The following NFE2L2 variants were observed in gnomAD, a reference collection of about 807,000 sequenced individuals.
NFE2L2 encodes the protein nuclear factor erythroid 2-related factor 2.
In NFE2L2, 20 loss-of-function variants were observed where a neutral mutation model predicts 49.6. That is an observed-to-expected ratio of 0.40 (90% CI 0.28 to 0.59). The LOEUF (loss-of-function observed/expected upper bound fraction) is 0.59, where lower values mean the gene tolerates loss of function less well. Ranked by LOEUF, NFE2L2 falls within the 20% of genes least tolerant of loss-of-function variation. NFE2L2 has a pLI of 0.40. For missense variants in NFE2L2, 578 were observed against 714.2 expected, an observed-to-expected ratio of 0.81 and a Z score of 2.17; for synonymous variants, 244 against 256.5, an observed-to-expected ratio of 0.95 and a Z score of 0.47.
intron 1 of NFE2L2, among the ~76,000 whole-genome samples, chr2:177,238,800 T>G (rs1689844955): frequency 6.6e-6 from 1 of 152,222 alleles, no homozygotes; most frequent in Non-Finnish European, 1.5e-5. Flanking sequence ...TAACATGTTG[T>G]AATAAAAAAG....
At chr2:177,236,897 T>C (rs1330418914) in intron 1 of NFE2L2, among the ~76,000 whole-genome samples, 1 of 152,176 alleles carries the variant, frequency 6.6e-6, no homozygotes, top group Non-Finnish European at 1.5e-5. Context: ...AGATAGGGTC[T>C]CACTCTGTCA....
chr2:177,235,154 G>A (rs1342214539), intron 1 of NFE2L2, among the ~76,000 whole-genome samples: 5 of 151,068 alleles, frequency 3.3e-5, no homozygotes, highest in Non-Finnish European at 5.9e-5. Flanking sequence ...GGACAGGTGC[G>A]GTGGCTCACG....
Position 177,256,702 on chromosome 2 carries a change from A to C in NFE2L2, c.45+7830T>G, listed in dbSNP as rs189154074. ...TTAAAGCAACAAACTACTGATGACT[A>C]GAATTAGAAAAGCATGCTTCCAGAA... On this transcript the variant is annotated intron_variant, in intron 1 of 4. Coordinates refer to ENST00000397062, the MANE Select transcript of NFE2L2 (RefSeq NM_006164.5). 7.9e-5 allele frequency among the ~76,000 whole-genome samples: 12 copies of C among 152,338 alleles called. No homozygotes were observed. In the East Asian group the frequency reaches 2.3e-3, roughly 29 times the overall value.
At chr2:177,232,746 C>A in intron 3 of NFE2L2, 163 bp from the exon 4 acceptor site, 1 of 652,752 alleles carries the variant, frequency 1.5e-6, no homozygotes, top group Non-Finnish European at 2.5e-6. Context: ...TTTTTTCCTA[C>A]CCCACTGACT....
chr2:177,233,134 TA>T, intron 3 of NFE2L2, 115 bp downstream of exon 3: 1 of 904,462 alleles, frequency 1.1e-6, no homozygotes, highest in Non-Finnish European at 1.7e-6. Flanking sequence ...AATTTCCTCC[TA>T]AAAATGTTTT....
At chr2:177,247,571 G>T (rs1690176106) in intron 1 of NFE2L2, among the ~76,000 whole-genome samples, 1 of 150,266 alleles carries the variant, frequency 6.7e-6, no homozygotes, top group African/African-American at 2.5e-5. Context: ...TGAGGCAAGA[G>T]AATCGCTTGA....
intron 1 of NFE2L2, chr2:177,263,851 G>A (rs1365683912): frequency 3.0e-6 from 3 of 985,396 alleles, no homozygotes; most frequent in Non-Finnish European, 3.6e-6. Flanking sequence ...AGCCCGCTGG[G>A]CACTTAAGGC....
intron 2 of NFE2L2, 96 bp downstream of exon 2, chr2:177,233,909 A>C (rs1689649446): frequency 6.7e-7 from 1 of 1,497,366 alleles, no homozygotes; most frequent in Admixed American, 2.2e-5. Flanking sequence ...AAGTAAAAGA[A>C]AGGCAAAGCT....
At chr2:177,246,261 T>C (rs535529749) in intron 1 of NFE2L2, among the ~76,000 whole-genome samples, 45 of 152,310 alleles carry the variant, frequency 3.0e-4, no homozygotes, top group Non-Finnish European at 5.3e-4. Flanking sequence ...AGGGAGAGTT[T>C]TGCATTGAAA....
intron 1 of NFE2L2, among the ~76,000 whole-genome samples, chr2:177,238,608 A>G (rs1022207110): frequency 6.6e-5 from 10 of 152,246 alleles, no homozygotes; most frequent in African/African-American, 2.2e-4. Flanking sequence ...TACTTGCTGT[A>G]TAAGCGAGAC....
intron 1 of NFE2L2, among the ~76,000 whole-genome samples, chr2:177,238,414 C>T (rs1344009659): frequency 6.6e-6 from 1 of 152,176 alleles, no homozygotes; most frequent in East Asian, 1.9e-4. Context: ...TCCTTTCCCC[C>T]CCTTTTCCTT....
At chr2:177,261,275 T>A (rs1690729319) in intron 1 of NFE2L2, among the ~76,000 whole-genome samples, 1 of 152,112 alleles carries the variant, frequency 6.6e-6, no homozygotes, top group African/African-American at 2.4e-5. Flanking sequence ...GTACCATTGA[T>A]GGATTGTATT....
intron 1 of NFE2L2, among the ~76,000 whole-genome samples, chr2:177,248,840 CTT>C (rs953876390): frequency 9.9e-5 from 15 of 152,282 alleles, no homozygotes; most frequent in Admixed American, 3.3e-4. Context: ...GTTCTCAGCC[CTT>C]TCAGGCAGAT....
At position 177,264,205 on chromosome 2, in the gene NFE2L2, G is replaced by T. The variant is rs373208970; in HGVS notation, c.45+327C>A. Among the ~76,000 whole-genome samples, 5 of 152,222 alleles carry T rather than the reference G, an allele frequency of 3.3e-5. No individual in the cohort carries two copies. The South Asian group carries it at 1.0e-3, about 32-fold the overall frequency. ...GCCCACCGGGCCGCTCAAACTTAGG[G>T]GCTCCGGAGTCCCAGCTCTCGGGCC... On this transcript the variant is annotated intron_variant, in intron 1 of 4. Transcript: ENST00000397062.
chr2:177,258,998 T>C (rs556258049), intron 1 of NFE2L2, among the ~76,000 whole-genome samples: 92 of 152,312 alleles, frequency 6.0e-4, no homozygotes, highest in Non-Finnish European at 1.1e-3. Flanking sequence ...GAGTCAATTA[T>C]CAACAGAGCC....
intron 1 of NFE2L2, among the ~76,000 whole-genome samples, chr2:177,250,909 A>G (rs1230072877): frequency 2.0e-5 from 3 of 152,228 alleles, no homozygotes; most frequent in Non-Finnish European, 4.4e-5. Context: ...TTCCATATGA[A>G]AAACAAAGGA....
intron 1 of NFE2L2, among the ~76,000 whole-genome samples, chr2:177,246,202 A>G (rs1365419546): frequency 6.6e-6 from 1 of 152,224 alleles, no homozygotes; most frequent in Non-Finnish European, 1.5e-5. Context: ...GGCCAACGTA[A>G]CTTGCCTAAA....
At position 177,230,322 on chromosome 2, in the gene NFE2L2, T is replaced by A; in HGVS notation, c.*463A>T. ...CAAACAAATAATTTAACAGTCATAA[T>A]AATCCTTTATTAGTACCAGCTCTTA... On this transcript the variant is annotated 3_prime_UTR_variant, in exon 5 of 5. Coordinates refer to ENST00000397062, the MANE Select transcript of NFE2L2 (RefSeq NM_006164.5). The A allele has an allele frequency of 4.3e-6, 1 of 230,926 alleles. No individual in the cohort carries two copies. Among genetic ancestry groups the A allele is most frequent in the East Asian group, 6.3e-5 (1 of 15,968 alleles). The allele number at this position is 230,926 out of a possible 1,614,324, so 14.3% of individuals were successfully genotyped here. A position where few individuals can be genotyped will look rare whatever the true frequency, so the allele number is the denominator to read the frequency against.
At chr2:177,235,199 G>A (rs1689703455) in intron 1 of NFE2L2, among the ~76,000 whole-genome samples, 1 of 152,172 alleles carries the variant, frequency 6.6e-6, no homozygotes, top group African/African-American at 2.4e-5. Context: ...GCTGAGGCAG[G>A]TGGATTGCTT....
Sources: allele counts gnomAD v4.1 joint callset (sites outside exome capture counted in the v4.1 genomes callset), GRCh38; gene constraint gnomAD v4.1.1; transcripts MANE v1.5; gene names NCBI Gene and HGNC (gene_info 2026-07-23, HGNC 2026-07-21).